ASAP1: variants seen among roughly 807,000 people sequenced by gnomAD.
ASAP1 encodes ArfGAP with SH3 domain, ankyrin repeat and PH domain 1.
ASAP1 carries 43 observed loss-of-function variants against 145.2 expected under a neutral mutation model. The observed-to-expected ratio is 0.30, with a 90% CI of 0.23 to 0.38. The LOEUF is 0.38. ASAP1 is among the 10% of genes least tolerant of loss of function. The pLI, the probability that ASAP1 is intolerant of heterozygous loss-of-function variation, is 1.00. For synonymous variants in ASAP1, 546 were observed against 515.5 expected (o/e 1.06, Z -0.80); for missense variants, 1,018 against 1,355.3 (o/e 0.75, Z 3.91).
intron 1 of ASAP1, among the ~76,000 whole-genome samples, chr8:130,442,190 G>C (rs79628150): frequency 0.013 from 1,920 of 152,278 alleles, 41 homozygotes; most frequent in African/African-American, 0.044. Flanking sequence ...AAGTGGTGAA[G>C]GCTGTGACGC....
intron 3 of ASAP1, among the ~76,000 whole-genome samples, chr8:130,241,370 G>A (rs758639480): frequency 6.6e-6 from 1 of 152,046 alleles, no homozygotes; most frequent in Non-Finnish European, 1.5e-5. Context: ...TGCTTTTACG[G>A]TATTTTTCTC....
intron 1 of ASAP1, among the ~76,000 whole-genome samples, chr8:130,435,364 T>C (rs1175833071): frequency 6.6e-6 from 1 of 152,252 alleles, no homozygotes; most frequent in Non-Finnish European, 1.5e-5. Flanking sequence ...GAAATGTTTA[T>C]TGTCTTCCCT....
intron 11 of ASAP1, 66 bp from the exon 12 acceptor site, chr8:130,160,030 T>C: frequency 2.2e-6 from 3 of 1,387,966 alleles, no homozygotes; most frequent in African/African-American, 1.4e-5. Flanking sequence ...GATTCTATTC[T>C]GCCATTGAGC....
intron 18 of ASAP1, among the ~76,000 whole-genome samples, chr8:130,119,119 A>C (rs2097561269): frequency 6.6e-6 from 1 of 152,116 alleles, no homozygotes; most frequent in African/African-American, 2.4e-5. Flanking sequence ...ATTTTGTAAA[A>C]TTTTTAAAAG....
In ASAP1 at chr8:130,118,524, C is replaced by T; in HGVS notation, c.1759G>A (p.Val587Ile). The change falls in exon 19 of 30, where the codon GTA (valine) becomes ATA (isoleucine). Residue 587 changes from valine to isoleucine, a missense_variant. Transcript: ENST00000518721. ...TCCAGCAGTGGTTCCATTAGCTCTA[C>T]CCCTTCTGCATAGACTTGAATTAGT... The part of the protein sequence containing the change: ...LALIQVYAEG[V>I]ELMEPLLEPG... 6.2e-7 allele frequency: 1 copy of T among 1,613,708 alleles called. No homozygotes were observed. Among genetic ancestry groups the T allele is most frequent in the Non-Finnish European group, 8.5e-7 (1 of 1,179,754 alleles).
intron 3 of ASAP1, among the ~76,000 whole-genome samples, chr8:130,302,265 T>C (rs970555081): frequency 6.6e-5 from 10 of 152,140 alleles, no homozygotes; most frequent in African/African-American, 2.2e-4. Context: ...ATAAACACAA[T>C]GGAAACCAGC....
At chr8:130,203,402 C>T (rs1156449715) in intron 5 of ASAP1, among the ~76,000 whole-genome samples, 1 of 152,174 alleles carries the variant, frequency 6.6e-6, no homozygotes. Flanking sequence ...CCTCACTAAC[C>T]CGTGTTTCCC....
chr8:130,433,592 A>G (rs933245874), intron 1 of ASAP1, among the ~76,000 whole-genome samples: 1 of 152,112 alleles, frequency 6.6e-6, no homozygotes, highest in African/African-American at 2.4e-5. Flanking sequence ...GTGGACTTTG[A>G]TTTTTCATCT....
intron 2 of ASAP1, among the ~76,000 whole-genome samples, chr8:130,385,434 G>C (rs115621139): frequency 0.031 from 4,647 of 152,330 alleles, 86 homozygotes; most frequent in African/African-American, 0.055. Context: ...GGCCTTGTGA[G>C]GCCCAAAGCC....
At chr8:130,267,515 C>T (rs1820333470) in intron 3 of ASAP1, among the ~76,000 whole-genome samples, 1 of 152,180 alleles carries the variant, frequency 6.6e-6, no homozygotes, top group Admixed American at 6.5e-5. Flanking sequence ...TGTTAAGTAC[C>T]TTGCCTGCAG....
intron 28 of ASAP1, 57 bp from the exon 29 acceptor site, chr8:130,058,133 C>T (rs1482811622): frequency 6.3e-7 from 1 of 1,588,128 alleles, no homozygotes; most frequent in African/African-American, 1.3e-5. Flanking sequence ...AAAAAAAGAG[C>T]AGCGGTTCTT....
intron 24 of ASAP1, among the ~76,000 whole-genome samples, chr8:130,098,258 T>TCCC (rs1314203777): frequency 6.6e-6 from 1 of 152,180 alleles, no homozygotes; most frequent in African/African-American, 2.4e-5. Flanking sequence ...ACAGCTTGCT[T>TCCC]CCCTTCCTCT....
In ASAP1 at chr8:130,302,156, T is replaced by A. The variant is rs73409330; in HGVS notation, c.186+55861A>T. On this transcript the variant is annotated intron_variant, in intron 3 of 29. Transcript: ENST00000518721. ...TGCAAAGACTCATACATTCTCTCAT[T>A]TGCACAAATATTTGAAAAACCATGT... Among the ~76,000 whole-genome samples the A allele has an allele frequency of 3.0e-3, 463 of 152,362 alleles. 1 individual carries two copies. The highest frequency in any genetic ancestry group is 0.011 in the African/African-American group (447 of 41,590).
chr8:130,064,629 C>T (rs1353792215), intron 27 of ASAP1, among the ~76,000 whole-genome samples: 1 of 152,112 alleles, frequency 6.6e-6, no homozygotes, highest in African/African-American at 2.4e-5. Flanking sequence ...CTCACCCCAC[C>T]ACCAAGCAGC....
chr8:130,115,373 C>G (rs1051098335), intron 23 of ASAP1, among the ~76,000 whole-genome samples: 1 of 152,194 alleles, frequency 6.6e-6, no homozygotes, highest in African/African-American at 2.4e-5. Flanking sequence ...AACTTGACAG[C>G]TCCTTCAATC....
chr8:130,060,788 G>A lies in ASAP1; in HGVS notation c.2983C>T (p.Leu995=), dbSNP rs191674894. ...QMKDLPPKPQ[L]GDLLAKSQTG... is the part of the protein sequence containing the mutation. The stretch of plus-strand genomic sequence containing the variant: ...TGGGATTTTGCTAGCAGGTCTCCCA[G>A]CTGTGGTTTGGGGGGCAGGTCCTTC... The change falls in exon 28 of 30, where the codon CTG becomes TTG. Residue 995 remains leucine (L), a synonymous_variant. Transcript: ENST00000518721. 2.5e-6 allele frequency: 4 copies of A among 1,614,196 alleles called. No homozygotes were observed. In the Admixed American group the frequency reaches 6.7e-5, roughly 27 times the overall value.
At chr8:130,403,423 C>G (rs766973749) in intron 1 of ASAP1, among the ~76,000 whole-genome samples, 1 of 152,194 alleles carries the variant, frequency 6.6e-6, no homozygotes, top group Non-Finnish European at 1.5e-5. Context: ...TAACATCCCT[C>G]AACAGCTTCT....
At chr8:130,072,821 G>GCA (rs1564927941) in intron 27 of ASAP1, among the ~76,000 whole-genome samples, 3 of 70,936 alleles carry the variant, frequency 4.2e-5, no homozygotes, top group South Asian at 6.1e-4. Flanking sequence ...GTGTGTGTGT[G>GCA]TGTGCGCGCG....
intron 4 of ASAP1, among the ~76,000 whole-genome samples, chr8:130,215,606 T>C (rs1816850392): frequency 1.3e-5 from 2 of 152,020 alleles, no homozygotes; most frequent in South Asian, 4.1e-4. Flanking sequence ...TAGCCAGGTG[T>C]AGTAGCGGGT....
Sources: gnomAD v4.1 joint callset for allele counts (sites outside exome capture counted in the v4.1 genomes callset) on GRCh38, gnomAD v4.1.1 for gene constraint, MANE v1.5 for transcripts, NCBI Gene and HGNC (gene_info 2026-07-23, HGNC 2026-07-21) for gene names.